The following LRRC4C variants were observed in gnomAD, a reference collection of about 807,000 sequenced individuals.
LRRC4C encodes the protein leucine-rich repeat-containing protein 4C.
In LRRC4C, 5 loss-of-function variants were observed where a neutral mutation model predicts 33.6. The ratio of observed to expected loss-of-function variants is 0.15; its 90% CI spans 0.08 to 0.31. The LOEUF (loss-of-function observed/expected upper bound fraction) is 0.31, where lower values mean the gene tolerates loss of function less well. Ranked by LOEUF, LRRC4C falls within the 10% of genes least tolerant of loss-of-function variation. LRRC4C has a pLI of 1.00. For missense variants in LRRC4C, 560 were observed against 796.7 expected (o/e 0.70, Z 3.58); for synonymous variants, 329 against 302.0 (o/e 1.09, Z -0.93).
chr11:40,343,114 G>T (rs1244150207), intron 3 of LRRC4C, among the ~76,000 whole-genome samples: 1 of 152,060 alleles, frequency 6.6e-6, no homozygotes, highest in African/African-American at 2.4e-5. Context: ...CTACACAATT[G>T]AAGAAATTAT....
intron 4 of LRRC4C, among the ~76,000 whole-genome samples, chr11:40,255,461 C>T (rs1350629643): frequency 2.0e-5 from 3 of 152,262 alleles, no homozygotes; most frequent in South Asian, 4.1e-4. Context: ...ATATCTGTCC[C>T]CCTACTCAGG....
At chr11:41,163,852 T>A (rs550607822) in intron 1 of LRRC4C, among the ~76,000 whole-genome samples, 2 of 152,270 alleles carry the variant, frequency 1.3e-5, no homozygotes, top group Non-Finnish European at 2.9e-5. Flanking sequence ...CCTCAGGTGA[T>A]CCACCTGCTT....
intron 1 of LRRC4C, among the ~76,000 whole-genome samples, chr11:41,293,929 G>GAT (rs1950065301): frequency 6.6e-6 from 1 of 152,048 alleles, no homozygotes; most frequent in Non-Finnish European, 1.5e-5. Flanking sequence ...TATGCATGCT[G>GAT]ATACACATAT....
intron 5 of LRRC4C, among the ~76,000 whole-genome samples, chr11:40,207,362 C>G (rs1201480171): frequency 6.6e-6 from 1 of 152,076 alleles, no homozygotes; most frequent in Non-Finnish European, 1.5e-5. Flanking sequence ...CTTTGGGGAG[C>G]TGAGACAGGA....
intron 1 of LRRC4C, among the ~76,000 whole-genome samples, chr11:41,454,664 C>A (rs1956124235): frequency 6.6e-6 from 1 of 152,090 alleles, no homozygotes. Context: ...AGTGAAATGA[C>A]ATCTGAAAAG....
intron 5 of LRRC4C, among the ~76,000 whole-genome samples, chr11:40,154,056 G>GA (rs752839743): frequency 6.6e-6 from 1 of 152,046 alleles, no homozygotes; most frequent in African/African-American, 2.4e-5. Context: ...ACCTATAAAG[G>GA]AAAATCTATC....
chr11:40,547,104 T>C (rs1285317236), intron 3 of LRRC4C, among the ~76,000 whole-genome samples: 1 of 152,150 alleles, frequency 6.6e-6, no homozygotes, highest in Non-Finnish European at 1.5e-5. Context: ...TTTATTATAG[T>C]AATGCTATGT....
At chr11:40,467,835 A>G (rs1212612332) in intron 3 of LRRC4C, among the ~76,000 whole-genome samples, 7 of 152,234 alleles carry the variant, frequency 4.6e-5, no homozygotes, top group Non-Finnish European at 1.5e-5. Flanking sequence ...ATTGCAATAC[A>G]GATAGATCTC....
intron 3 of LRRC4C, among the ~76,000 whole-genome samples, chr11:40,418,565 A>C (rs1950410295): frequency 6.6e-6 from 1 of 152,198 alleles, no homozygotes; most frequent in African/African-American, 2.4e-5. Context: ...TTCCTCAAAG[A>C]CCTAGAACCG....
intron 3 of LRRC4C, among the ~76,000 whole-genome samples, chr11:40,525,418 C>T (rs540410318): frequency 2.0e-5 from 3 of 152,072 alleles, no homozygotes; most frequent in African/African-American, 7.2e-5. Flanking sequence ...TGCACTCCAG[C>T]CTGGGTGACA....
intron 5 of LRRC4C, among the ~76,000 whole-genome samples, chr11:40,189,822 T>C (rs1861690947): frequency 4.6e-5 from 7 of 152,232 alleles, no homozygotes; most frequent in Admixed American, 4.6e-4. Context: ...ATACAACTTT[T>C]AAGGATAACA....
intron 2 of LRRC4C, among the ~76,000 whole-genome samples, chr11:40,672,224 C>T (rs1944161677): frequency 6.6e-6 from 1 of 152,140 alleles, no homozygotes; most frequent in African/African-American, 2.4e-5. Context: ...GATGCCCTCT[C>T]ACTGTGTCCT....
At chr11:41,340,944 CTT>C (rs902032630) in intron 1 of LRRC4C, among the ~76,000 whole-genome samples, 1 of 152,186 alleles carries the variant, frequency 6.6e-6, no homozygotes, top group African/African-American at 2.4e-5. Flanking sequence ...AATCTAGTAA[CTT>C]TGAGGCTGTG....
chr11:41,234,821 T>C (rs1482912778), intron 1 of LRRC4C, among the ~76,000 whole-genome samples: 1 of 152,034 alleles, frequency 6.6e-6, no homozygotes, highest in Non-Finnish European at 1.5e-5. Flanking sequence ...GAGAGTAGTT[T>C]GTCCAAGGTT....
intron 2 of LRRC4C, among the ~76,000 whole-genome samples, chr11:40,842,639 T>C (rs914496668): frequency 6.6e-6 from 1 of 152,160 alleles, no homozygotes; most frequent in Non-Finnish European, 1.5e-5. Context: ...ATCTAGGATT[T>C]ATTATTTTTA....
At chr11:40,674,685 A>G (rs1944307420) in intron 2 of LRRC4C, among the ~76,000 whole-genome samples, 2 of 152,176 alleles carry the variant, frequency 1.3e-5, no homozygotes, top group South Asian at 4.1e-4. Context: ...GATGTTCTCT[A>G]TGAGCTTCCA....
chr11:40,431,081 AAAACTT>A (rs972431678), intron 3 of LRRC4C, among the ~76,000 whole-genome samples: 1 of 118,202 alleles, frequency 8.5e-6, no homozygotes, highest in South Asian at 3.7e-4. Flanking sequence ...CATGTACCCT[AAAACTT>A]AAAGTATAAT....
intron 2 of LRRC4C, among the ~76,000 whole-genome samples, chr11:40,727,815 C>T (rs768507315): frequency 7.9e-5 from 12 of 151,874 alleles, no homozygotes; most frequent in Non-Finnish European, 1.6e-4. Context: ...TTAGGAGGCT[C>T]AGGTGGGCGG....
intron 2 of LRRC4C, among the ~76,000 whole-genome samples, chr11:40,795,952 G>A (rs1313089174): frequency 1.3e-5 from 2 of 152,072 alleles, no homozygotes; most frequent in East Asian, 1.9e-4. Flanking sequence ...ATAATTGAGG[G>A]AAAAATGTGT....
Sources: allele counts gnomAD v4.1 joint callset (sites outside exome capture counted in the v4.1 genomes callset), GRCh38; gene constraint gnomAD v4.1.1; transcripts MANE v1.5; gene names NCBI Gene and HGNC (gene_info 2026-07-23, HGNC 2026-07-21).